ARHGAP44: variants seen among roughly 807,000 people sequenced by gnomAD.
ARHGAP44 encodes rho GTPase-activating protein 44.
Under a neutral mutation model 106.8 loss-of-function variants are expected in ARHGAP44, and 43 were observed. The observed-to-expected ratio is 0.40, with a 90% CI of 0.32 to 0.52. ARHGAP44 has a LOEUF of 0.52. Ranked by LOEUF, ARHGAP44 falls within the 20% of genes least tolerant of loss-of-function variation. The probability of loss-of-function intolerance (pLI) is 0.48; values close to 1 mark genes in which losing one functional copy is unlikely to be tolerated. For missense variants in ARHGAP44, 866 were observed against 1,050.5 expected (o/e 0.82, Z 2.43); for synonymous variants, 439 against 410.3 (o/e 1.07, Z -0.85).
intron 1 of ARHGAP44, among the ~76,000 whole-genome samples, chr17:12,868,086 G>A (rs2036286752): frequency 1.3e-5 from 2 of 152,246 alleles, no homozygotes; most frequent in South Asian, 4.1e-4. Context: ...CAGACTGAGA[G>A]CGTTGTGCTA....
In ARHGAP44 at chr17:12,974,223, C is replaced by T. The variant is rs369864245; in HGVS notation, c.1676C>T (p.Pro559Leu). The T allele has an allele frequency of 1.6e-5, 24 of 1,546,282 alleles. No homozygotes were observed. Among genetic ancestry groups the T allele is most frequent in the South Asian group, 7.2e-5 (6 of 83,838 alleles). ...PAELAAPLPS[P>L]LPEQPLDSPA... Reference sequence around the variant, plus strand: ...GAGCTGGCTGCGCCCCTGCCTTCGCCGCTGCCGGAGCAGCCCCTGGACAGC... The same window carrying T: ...GAGCTGGCTGCGCCCCTGCCTTCGCTGCTGCCGGAGCAGCCCCTGGACAGC... The change falls in exon 18 of 21, where the codon CCG (proline) becomes CTG (leucine). Residue 559 changes from proline to leucine, a missense_variant. Coordinates refer to ENST00000379672, the MANE Select transcript of ARHGAP44 (RefSeq NM_014859.6).
At chr17:12,882,580 A>G (rs1010692765) in intron 1 of ARHGAP44, among the ~76,000 whole-genome samples, 1 of 152,116 alleles carries the variant, frequency 6.6e-6, no homozygotes, top group Non-Finnish European at 1.5e-5. Flanking sequence ...TGTTTCCAGT[A>G]AGAATAATGT....
At chr17:12,964,388 A>G (rs535635602) in intron 16 of ARHGAP44, among the ~76,000 whole-genome samples, 80 of 152,336 alleles carry the variant, frequency 5.3e-4, no homozygotes, top group African/African-American at 1.8e-3. Context: ...TTGGACTCCA[A>G]GCATTTGTCA....
intron 16 of ARHGAP44, among the ~76,000 whole-genome samples, chr17:12,961,470 C>T (rs2039259282): frequency 6.6e-6 from 1 of 152,196 alleles, no homozygotes; most frequent in Non-Finnish European, 1.5e-5. Flanking sequence ...CGTGGTGGCT[C>T]ACACCTGTAA....
chr17:12,884,743 A>T (rs1434871156), intron 1 of ARHGAP44, among the ~76,000 whole-genome samples: 1 of 151,992 alleles, frequency 6.6e-6, no homozygotes, highest in Non-Finnish European at 1.5e-5. Context: ...CGTCCCTATG[A>T]CTTAGCTTTT....
intron 6 of ARHGAP44, among the ~76,000 whole-genome samples, chr17:12,921,426 C>T (rs1327138985): frequency 6.6e-6 from 1 of 152,142 alleles, no homozygotes; most frequent in Non-Finnish European, 1.5e-5. Context: ...GCTCACTGCA[C>T]TCTTGAACTC....
At chr17:12,897,435 T>C (rs1467809798) in intron 3 of ARHGAP44, among the ~76,000 whole-genome samples, 1 of 72,510 alleles carries the variant, frequency 1.4e-5, no homozygotes, top group Non-Finnish European at 4.0e-5. Flanking sequence ...GAGTCATTTC[T>C]TTTTTTTTTT....
At chr17:12,846,055 A>AT (rs768380785) in intron 1 of ARHGAP44, among the ~76,000 whole-genome samples, 5 of 122,234 alleles carry the variant, frequency 4.1e-5, no homozygotes, top group Non-Finnish European at 6.1e-5. Flanking sequence ...TCTGTTTTTC[A>AT]CCGTTATGAG....
intron 4 of ARHGAP44, among the ~76,000 whole-genome samples, chr17:12,910,544 G>A (rs1159190502): frequency 7.0e-6 from 1 of 143,104 alleles, no homozygotes; most frequent in Admixed American, 7.7e-5. Flanking sequence ...TGCATCCCGG[G>A]TGCAAGGGAT....
At chr17:12,901,983 C>T (rs1014243635) in intron 3 of ARHGAP44, among the ~76,000 whole-genome samples, 2 of 152,178 alleles carry the variant, frequency 1.3e-5, no homozygotes. Flanking sequence ...ACAGTGGCTC[C>T]TATCACATCT....
intron 9 of ARHGAP44, 122 bp from the exon 10 acceptor site, chr17:12,943,947 C>A: frequency 7.5e-7 from 1 of 1,335,774 alleles, no homozygotes; most frequent in Non-Finnish European, 9.9e-7. Flanking sequence ...AGAATGGAGG[C>A]TCAATTGGGC....
chr17:12,974,936 G>A (rs117451061), intron 18 of ARHGAP44, among the ~76,000 whole-genome samples: 12,157 of 150,330 alleles, frequency 0.081, 646 homozygotes, highest in Admixed American at 0.12. Flanking sequence ...TGCAACCTCC[G>A]CCTTACAGGC....
chr17:12,860,160 C>T (rs965913979), intron 1 of ARHGAP44, among the ~76,000 whole-genome samples: 1 of 152,122 alleles, frequency 6.6e-6, no homozygotes, highest in Non-Finnish European at 1.5e-5. Context: ...TTCTTTGGTC[C>T]ACAGACTCCA....
chr17:12,870,005 CTT>C (rs990604908), intron 1 of ARHGAP44, among the ~76,000 whole-genome samples: 8 of 144,738 alleles, frequency 5.5e-5, no homozygotes. Flanking sequence ...GCTCTGATTA[CTT>C]TTTTTTCCAT....
intron 4 of ARHGAP44, among the ~76,000 whole-genome samples, chr17:12,910,614 T>G (rs1194391493): frequency 6.6e-6 from 1 of 151,832 alleles, no homozygotes; most frequent in African/African-American, 2.4e-5. Flanking sequence ...CCGGGCTAAT[T>G]TTTGTATATT....
Position 12,789,704 on chromosome 17 carries a change from G to C in ARHGAP44, c.-135G>C, listed in dbSNP as rs1597840233. The C allele has an allele frequency of 5.5e-6, 4 of 721,484 alleles. No homozygotes were observed. The highest frequency in any genetic ancestry group is 7.2e-5 in the East Asian group (2 of 27,848). The allele number at this position is 721,484 out of a possible 1,614,324, so 44.7% of individuals were successfully genotyped here. A position where few individuals can be genotyped will look rare whatever the true frequency, so the allele number is the denominator to read the frequency against. ...TCGGGAGGGAGCTGCGCGCGGGCCAGACGGCGCCCGGAGGCTCCGCAGTGC... is the reference window on the plus strand; with the variant it reads ...TCGGGAGGGAGCTGCGCGCGGGCCACACGGCGCCCGGAGGCTCCGCAGTGC... On this transcript the variant is annotated 5_prime_UTR_variant, in exon 1 of 21. Coordinates refer to ENST00000379672, the MANE Select transcript of ARHGAP44 (RefSeq NM_014859.6).
At chr17:12,930,851 T>C (rs564196686) in intron 7 of ARHGAP44, among the ~76,000 whole-genome samples, 2 of 152,154 alleles carry the variant, frequency 1.3e-5, no homozygotes, top group Non-Finnish European at 2.9e-5. Flanking sequence ...TCCAGCAACC[T>C]TTCTGTTTCC....
intron 1 of ARHGAP44, among the ~76,000 whole-genome samples, chr17:12,875,564 C>T (rs2036526016): frequency 6.6e-6 from 1 of 152,028 alleles, no homozygotes; most frequent in Middle Eastern, 3.2e-3. Flanking sequence ...TGCACTCCAG[C>T]CTGGGCAACA....
intron 20 of ARHGAP44, chr17:12,985,225 G>A (rs2039931352): frequency 3.4e-6 from 1 of 296,832 alleles, no homozygotes; most frequent in African/African-American, 2.2e-5. Flanking sequence ...AGGAGAGGCT[G>A]GAAGCTGGTT....
Sources: gnomAD v4.1 joint callset for allele counts (sites outside exome capture counted in the v4.1 genomes callset) on GRCh38, gnomAD v4.1.1 for gene constraint, MANE v1.5 for transcripts, NCBI Gene and HGNC (gene_info 2026-07-23, HGNC 2026-07-21) for gene names.